The following ARHGAP6 variants were observed in gnomAD, a reference collection of about 807,000 sequenced individuals.
ARHGAP6 encodes rho GTPase-activating protein 6.
Under a neutral mutation model 55.7 loss-of-function variants are expected in ARHGAP6, and 16 were observed. The ratio of observed to expected loss-of-function variants is 0.29; its 90% CI spans 0.19 to 0.44. The LOEUF is 0.44. ARHGAP6 is among the 20% of genes least tolerant of loss of function. The pLI is 1.00. For synonymous variants in ARHGAP6, 382 were observed against 360.9 expected, an observed-to-expected ratio of 1.06 and a Z score of -0.66; for missense variants, 698 against 808.9, an observed-to-expected ratio of 0.86 and a Z score of 1.66.
rs1412130928 is a variant in ARHGAP6 at position 11,137,608 on chromosome X, A to G, written c.*1255T>C. On this transcript the variant is annotated 3_prime_UTR_variant, in exon 13 of 13. Transcript: ENST00000337414. The stretch of plus-strand genomic sequence containing the variant: ...CTTAAGAAACACCACTGGGAATTTC[A>G]TCACCAACATGAAAATTAAGAGTAG... The G allele has an allele frequency of 9.0e-6, 1 of 110,807 alleles. No individual in the cohort carries two copies. Among genetic ancestry groups the G allele is most frequent in the Non-Finnish European group, 1.9e-5 (1 of 52,888 alleles). 9.1% of individuals were successfully genotyped at this position (110,807 alleles called of 1,213,427 possible).
Position 11,387,406 on chromosome X carries a change from C to T in ARHGAP6, c.589-132699G>A, listed in dbSNP as rs1010584252. On this transcript the variant is annotated intron_variant, in intron 1 of 12. Coordinates refer to ENST00000337414, the MANE Select transcript of ARHGAP6 (RefSeq NM_013427.3). ...AGAGAGTAAATGTGAGGTCCCATAT[C>T]TCTAAATTATCAGGCCCAAACAGCC... 2.7e-5 allele frequency among the ~76,000 whole-genome samples: 3 copies of T among 111,659 alleles called. No homozygotes were observed. In the South Asian group the frequency reaches 1.1e-3, roughly 42 times the overall value.
intron 2 of ARHGAP6, among the ~76,000 whole-genome samples, chrX:11,202,799 CAAAAAAAAAA>C (rs776633959): frequency 6.3e-4 from 6 of 9,453 alleles, no homozygotes; most frequent in Admixed American, 2.2e-3. Context: ...GACTCCGTCT[CAAAAAAAAAA>C]AAAAAAAAAA....
At chrX:11,516,643 T>G (rs762874051) in intron 1 of ARHGAP6, among the ~76,000 whole-genome samples, 1 of 112,295 alleles carries the variant, frequency 8.9e-6, no homozygotes, top group Non-Finnish European at 1.9e-5. Flanking sequence ...AGGTCCTCAT[T>G]CCTCCATTTT....
At chrX:11,176,943 T>G (rs772426602) in intron 8 of ARHGAP6, among the ~76,000 whole-genome samples, 1 of 112,180 alleles carries the variant, frequency 8.9e-6, no homozygotes, top group African/African-American at 3.2e-5. Context: ...CAGAATTGCC[T>G]TTCTGGATTA....
chrX:11,544,458 T>C (rs996525096), intron 1 of ARHGAP6, among the ~76,000 whole-genome samples: 2 of 112,167 alleles, frequency 1.8e-5, no homozygotes, highest in East Asian at 5.6e-4. Context: ...CATAATCAAG[T>C]TTCCAATAAA....
chrX:11,498,168 T>G (rs1170912333), intron 1 of ARHGAP6, among the ~76,000 whole-genome samples: 1 of 111,734 alleles, frequency 8.9e-6, no homozygotes, highest in African/African-American at 3.3e-5. Context: ...CTTTCTGATT[T>G]TTTCCCATAA....
intron 1 of ARHGAP6, among the ~76,000 whole-genome samples, chrX:11,368,696 C>T (rs529826924): frequency 8.9e-6 from 1 of 111,910 alleles, no homozygotes; most frequent in South Asian, 3.7e-4. Flanking sequence ...TTGCTGTTGT[C>T]AAGCTTAAAG....
chrX:11,576,556 T>C, intron 1 of ARHGAP6, among the ~76,000 whole-genome samples: 1 of 111,999 alleles, frequency 8.9e-6, no homozygotes, highest in Non-Finnish European at 1.9e-5. Flanking sequence ...GCACAATAAC[T>C]AATTGTTATT....
At chrX:11,161,645 G>A (rs1001968366) in intron 9 of ARHGAP6, among the ~76,000 whole-genome samples, 3 of 111,712 alleles carry the variant, frequency 2.7e-5, no homozygotes, top group East Asian at 2.8e-4. Flanking sequence ...GTAATAAAAT[G>A]TTTTATTAGA....
intron 5 of ARHGAP6, among the ~76,000 whole-genome samples, chrX:11,182,756 G>A (rs1012068023): frequency 9.5e-6 from 1 of 105,438 alleles, no homozygotes; most frequent in East Asian, 3.0e-4. Context: ...CCACCTTAGC[G>A]TCCAGGGTAG....
At chrX:11,315,825 C>T (rs1192333640) in intron 1 of ARHGAP6, among the ~76,000 whole-genome samples, 2 of 112,014 alleles carry the variant, frequency 1.8e-5, no homozygotes, top group Non-Finnish European at 3.8e-5. Flanking sequence ...TCTGCAATTC[C>T]TCTTTGGTGA....
At chrX:11,501,547 G>C (rs1022282546) in intron 1 of ARHGAP6, among the ~76,000 whole-genome samples, 2 of 111,158 alleles carry the variant, frequency 1.8e-5, no homozygotes, top group African/African-American at 6.5e-5. Context: ...AGGAGTAGGG[G>C]CGCCAAACTC....
At chrX:11,638,963 A>G (rs1181031051) in intron 1 of ARHGAP6, among the ~76,000 whole-genome samples, 2 of 111,255 alleles carry the variant, frequency 1.8e-5, no homozygotes, top group Non-Finnish European at 3.8e-5. Context: ...AAAGTTTATA[A>G]TTTAGCTAAT....
chrX:11,572,778 T>C (rs766699952), intron 1 of ARHGAP6, among the ~76,000 whole-genome samples: 5 of 111,915 alleles, frequency 4.5e-5, no homozygotes, highest in Non-Finnish European at 9.4e-5. Context: ...ACTTCCACAA[T>C]GGTTGAACTA....
At chrX:11,592,474 G>A (rs1012890235) in intron 1 of ARHGAP6, among the ~76,000 whole-genome samples, 9 of 111,769 alleles carry the variant, frequency 8.1e-5, no homozygotes, top group African/African-American at 2.9e-4. Context: ...TACAGATGAA[G>A]CTCTGGCAGC....
intron 1 of ARHGAP6, among the ~76,000 whole-genome samples, chrX:11,275,561 C>G (rs957815696): frequency 1.8e-5 from 2 of 111,807 alleles, no homozygotes; most frequent in Admixed American, 9.5e-5. Context: ...TCCACCAGCA[C>G]TTCCACACTC....
Position 11,427,618 on chromosome X carries a change from C to G in ARHGAP6, c.589-172911G>C, listed in dbSNP as rs1007297733. On this transcript the variant is annotated intron_variant, in intron 1 of 12. Coordinates refer to ENST00000337414, the MANE Select transcript of ARHGAP6 (RefSeq NM_013427.3). The stretch of plus-strand genomic sequence containing the variant: ...CATGTCGCCTCCGGGAGGAGTGGCG[C>G]GCCTTGGGCTCAGCCTGGGGTCACG... The G allele has an allele frequency of 1.6e-5, 14 of 880,710 alleles. No homozygotes were observed. The African/African-American group carries it at 3.1e-4, about 19-fold the overall frequency. The allele number at this position is 880,710 out of a possible 1,213,427, so 72.6% of individuals were successfully genotyped here.
chrX:11,175,799 T>A (rs1250719012), intron 8 of ARHGAP6, among the ~76,000 whole-genome samples: 1 of 110,459 alleles, frequency 9.1e-6, no homozygotes, highest in Non-Finnish European at 1.9e-5. Context: ...TGACAAAGAA[T>A]TCCTAGCTCC....
chrX:11,385,089 A>C (rs1255293923), intron 1 of ARHGAP6, among the ~76,000 whole-genome samples: 1 of 111,952 alleles, frequency 8.9e-6, no homozygotes, highest in Non-Finnish European at 1.9e-5. Flanking sequence ...TGTATAAATG[A>C]CTATAGCACA....
Sources: allele counts gnomAD v4.1 joint callset (sites outside exome capture counted in the v4.1 genomes callset), GRCh38; gene constraint gnomAD v4.1.1; transcripts MANE v1.5; gene names NCBI Gene and HGNC (gene_info 2026-07-23, HGNC 2026-07-21).